SLC4A10: variants seen among roughly 807,000 people sequenced by gnomAD.
The protein encoded by SLC4A10 is solute carrier family 4 member 10.
SLC4A10 carries 42 observed loss-of-function variants against 137.7 expected under a neutral mutation model. The ratio of observed to expected loss-of-function variants is 0.30; its 90% CI spans 0.24 to 0.39. The LOEUF (loss-of-function observed/expected upper bound fraction) is 0.39. Ranked by LOEUF, SLC4A10 falls within the 10% of genes least tolerant of loss-of-function variation. SLC4A10 has a pLI of 1.00. For synonymous variants in SLC4A10, 474 were observed against 464.1 expected (o/e 1.02, Z -0.27); for missense variants, 925 against 1,355.0 (o/e 0.68, Z 4.98).
chr2:161,678,177 C>A (rs1275152912), intron 1 of SLC4A10, among the ~76,000 whole-genome samples: 1 of 152,140 alleles, frequency 6.6e-6, no homozygotes, highest in African/African-American at 2.4e-5. Flanking sequence ...CTGTCCTAAT[C>A]TGGATGACTG....
chr2:161,654,906 A>G (rs1330563774), intron 1 of SLC4A10, among the ~76,000 whole-genome samples: 5 of 152,072 alleles, frequency 3.3e-5, no homozygotes, highest in African/African-American at 1.2e-4. Context: ...TTCTATTTGT[A>G]AAAAAATGCC....
intron 1 of SLC4A10, among the ~76,000 whole-genome samples, chr2:161,646,623 G>A (rs1410931504): frequency 6.6e-6 from 1 of 151,956 alleles, no homozygotes; most frequent in Admixed American, 6.5e-5. Flanking sequence ...AAAGTTCTAT[G>A]TGTGAATCAG....
At chr2:161,813,319 A>G (rs1389632074) in intron 3 of SLC4A10, among the ~76,000 whole-genome samples, 1 of 152,070 alleles carries the variant, frequency 6.6e-6, no homozygotes. Context: ...CATGTTTCCA[A>G]CAGTATGTAT....
At chr2:161,671,377 A>T (rs879883379) in intron 1 of SLC4A10, among the ~76,000 whole-genome samples, 1 of 152,218 alleles carries the variant, frequency 6.6e-6, no homozygotes, top group African/African-American at 2.4e-5. Flanking sequence ...TCTATTGTTC[A>T]TAAGTTGCCC....
intron 1 of SLC4A10, among the ~76,000 whole-genome samples, chr2:161,669,902 G>A (rs564012155): frequency 6.6e-6 from 1 of 152,128 alleles, no homozygotes; most frequent in African/African-American, 2.4e-5. Context: ...GATATATTCT[G>A]CAAAGACTAA....
chr2:161,773,172 G>A (rs1186497222), intron 2 of SLC4A10, among the ~76,000 whole-genome samples: 2 of 151,878 alleles, frequency 1.3e-5, no homozygotes, highest in Admixed American at 1.3e-4. Flanking sequence ...GAGGACCTTT[G>A]TGCTGTATCA....
chr2:161,933,864 A>G (rs1403653168), intron 15 of SLC4A10, among the ~76,000 whole-genome samples: 1 of 152,190 alleles, frequency 6.6e-6, no homozygotes, highest in Non-Finnish European at 1.5e-5. Context: ...TTGATGGATC[A>G]TATGGTAGGT....
chr2:161,859,594 C>CTTTTCT lies in SLC4A10; in HGVS notation c.578-3276_578-3275insCTTTTT, dbSNP rs2060300861. 1.7e-4 allele frequency among the ~76,000 whole-genome samples: 8 copies of CTTTTCT among 47,292 alleles called. No homozygotes were observed. The East Asian group carries it at 2.5e-3, about 15-fold the overall frequency. The allele number at this position is 47,292 out of a possible 152,430, so 31.0% of individuals were successfully genotyped here. A position where few individuals can be genotyped will look rare whatever the true frequency, so the allele number is the denominator to read the frequency against. Reference sequence around the variant, plus strand: ...TCCTTTTTTTCTTTTCTTTTCTTTTCTTTTTTTTTTTTTTTTTTTTTTTTG... The same window carrying CTTTTCT: ...TCCTTTTTTTCTTTTCTTTTCTTTTCTTTTCTTTTTTTTTTTTTTTTTTTTTTTTTG... On this transcript the variant is annotated intron_variant, in intron 5 of 26. Coordinates refer to ENST00000446997, the MANE Select transcript of SLC4A10 (RefSeq NM_001178015.2).
At chr2:161,699,715 C>T (rs923366022) in intron 1 of SLC4A10, among the ~76,000 whole-genome samples, 12 of 152,042 alleles carry the variant, frequency 7.9e-5, no homozygotes, top group African/African-American at 2.9e-4. Flanking sequence ...GGAGGTGGAA[C>T]CAAAAGCATG....
intron 1 of SLC4A10, among the ~76,000 whole-genome samples, chr2:161,740,531 G>A (rs1378764678): frequency 6.6e-6 from 1 of 152,146 alleles, no homozygotes; most frequent in Non-Finnish European, 1.5e-5. Context: ...ATGTTTGATA[G>A]CAAGGTATTA....
At chr2:161,971,597 C>T (rs1448386007) in intron 23 of SLC4A10, among the ~76,000 whole-genome samples, 1 of 152,206 alleles carries the variant, frequency 6.6e-6, no homozygotes, top group Non-Finnish European at 1.5e-5. Context: ...TCTTTCTTCT[C>T]TGATCTGATT....
At chr2:161,843,060 A>C (rs2059281361) in intron 4 of SLC4A10, among the ~76,000 whole-genome samples, 1 of 152,124 alleles carries the variant, frequency 6.6e-6, no homozygotes, top group Admixed American at 6.5e-5. Context: ...TTCCTTCTTT[A>C]CCCTCATACT....
At chr2:161,848,861 T>C (rs1269656081) in intron 4 of SLC4A10, among the ~76,000 whole-genome samples, 4 of 152,202 alleles carry the variant, frequency 2.6e-5, no homozygotes, top group African/African-American at 9.6e-5. Flanking sequence ...TTTGGCTATT[T>C]GGGATCTTTT....
At chr2:161,905,908 T>G in intron 15 of SLC4A10, 21 bp downstream of exon 15, 1 of 1,571,506 alleles carries the variant, frequency 6.4e-7, no homozygotes, top group Non-Finnish European at 8.6e-7. Context: ...TTTCCCCTGC[T>G]GGCCTTGGGG....
intron 3 of SLC4A10, among the ~76,000 whole-genome samples, chr2:161,819,715 C>A (rs143229411): frequency 2.0e-5 from 3 of 152,054 alleles, no homozygotes; most frequent in African/African-American, 4.8e-5. Context: ...AAGCTGGTCT[C>A]GAACTCCTGA....
intron 1 of SLC4A10, among the ~76,000 whole-genome samples, chr2:161,636,870 TTTTTTATTTTTA>T (rs1037925118): frequency 4.0e-5 from 6 of 150,958 alleles, no homozygotes; most frequent in African/African-American, 9.7e-5. Context: ...ATTTTTTTAT[TTTTTTATTTTTA>T]TTTTTATTTT....
At chr2:161,911,067 T>C (rs1189982012) in intron 15 of SLC4A10, among the ~76,000 whole-genome samples, 1 of 151,882 alleles carries the variant, frequency 6.6e-6, no homozygotes, top group Non-Finnish European at 1.5e-5. Flanking sequence ...TAAACATACA[T>C]TAAGTATCAC....
intron 3 of SLC4A10, among the ~76,000 whole-genome samples, chr2:161,812,124 T>A (rs2056612092): frequency 6.6e-6 from 1 of 152,110 alleles, no homozygotes; most frequent in South Asian, 2.1e-4. Context: ...TTTAGGTTTA[T>A]GTATTTTAAT....
chr2:161,887,239 CTGAAATAAATA>C, intron 10 of SLC4A10, among the ~76,000 whole-genome samples: 1 of 152,200 alleles, frequency 6.6e-6, no homozygotes, highest in East Asian at 1.9e-4. Flanking sequence ...GTGAATAGTG[CTGAAATAAATA>C]TACGCAGTAG....
Sources: allele counts gnomAD v4.1 joint callset (sites outside exome capture counted in the v4.1 genomes callset), GRCh38; gene constraint gnomAD v4.1.1; transcripts MANE v1.5; gene names NCBI Gene and HGNC (gene_info 2026-07-23, HGNC 2026-07-21).